LRP1B: variants seen among roughly 807,000 people sequenced by gnomAD.
The protein encoded by LRP1B is LDL receptor related protein 1B, also known as low-density lipoprotein receptor-related protein 1B.
In LRP1B, 217 loss-of-function variants were observed where a neutral mutation model predicts 556.6. That is an observed-to-expected ratio of 0.39 (90% CI 0.35 to 0.44). LRP1B has a LOEUF of 0.44. LRP1B is among the 20% of genes least tolerant of loss of function. The pLI, the probability that LRP1B is intolerant of heterozygous loss-of-function variation, is 1.00. For missense variants in LRP1B, 5,053 were observed against 5,620.8 expected (o/e 0.90, Z 3.23); for synonymous variants, 2,047 against 1,865.8 (o/e 1.10, Z -2.50).
At chr2:140,608,653 G>C (rs1409508874) in intron 41 of LRP1B, among the ~76,000 whole-genome samples, 1 of 152,152 alleles carries the variant, frequency 6.6e-6, no homozygotes, top group Non-Finnish European at 1.5e-5. Flanking sequence ...TCCTGAACCA[G>C]AGCATCTCAA....
intron 86 of LRP1B, among the ~76,000 whole-genome samples, chr2:140,249,336 C>A (rs1022235204): frequency 2.0e-5 from 3 of 151,442 alleles, no homozygotes; most frequent in African/African-American, 4.8e-5. Flanking sequence ...GATTCTAATT[C>A]CAAACTCTAG....
chr2:140,379,512 T>C (rs1239228514), intron 67 of LRP1B, among the ~76,000 whole-genome samples: 2 of 151,992 alleles, frequency 1.3e-5, no homozygotes, highest in African/African-American at 4.8e-5. Flanking sequence ...TTGGTCAACA[T>C]GGCAAAAACC....
At chr2:141,246,297 T>C (rs897911316) in intron 5 of LRP1B, among the ~76,000 whole-genome samples, 2 of 151,972 alleles carry the variant, frequency 1.3e-5, no homozygotes, top group South Asian at 2.1e-4. Flanking sequence ...TAGAGGCAGA[T>C]AAAAAGGCAA....
chr2:140,655,743 C>A (rs1034555293), intron 41 of LRP1B, among the ~76,000 whole-genome samples: 11 of 152,274 alleles, frequency 7.2e-5, no homozygotes, highest in African/African-American at 1.2e-4. Flanking sequence ...GAAATCGAAA[C>A]CATCCTGGCT....
chr2:140,681,922 T>C (rs11892934), intron 41 of LRP1B, among the ~76,000 whole-genome samples: 141,506 of 152,218 alleles, frequency 0.93, 65,921 homozygotes, highest in Middle Eastern at 0.98. Context: ...ATTCATGTGC[T>C]ATGCCTAAGA....
intron 86 of LRP1B, 96 bp from the exon 87 acceptor site, chr2:140,247,258 G>A (rs1681206999): frequency 2.6e-6 from 2 of 776,778 alleles, no homozygotes; most frequent in African/African-American, 1.7e-5. Context: ...AAGGTTACAG[G>A]AGCCAGTCAT....
chr2:140,628,578 C>T (rs1457147954), intron 41 of LRP1B, among the ~76,000 whole-genome samples: 1 of 151,492 alleles, frequency 6.6e-6, no homozygotes, highest in African/African-American at 2.4e-5. Flanking sequence ...CTCACTCACA[C>T]TACAAATGTG....
Position 140,353,153 on chromosome 2 carries a change from A to G in LRP1B, c.11531-81T>C. 4 of 1,444,390 alleles carry G rather than the reference A, an allele frequency of 2.8e-6. No homozygotes were observed. The South Asian group carries it at 5.1e-5, about 18-fold the overall frequency. 89.5% of individuals were successfully genotyped at this position (1,444,390 alleles called of 1,614,324 possible). A position where few individuals can be genotyped will look rare whatever the true frequency, so the allele number is the denominator to read the frequency against. ...CTTACCACGTTTCAAAAAAGCCAAA[A>G]TTATTTTTAACTTATTACTAGCTTT... On this transcript the variant is annotated intron_variant, in intron 75 of 90. Coordinates refer to ENST00000389484, the MANE Select transcript of LRP1B (RefSeq NM_018557.3).
In LRP1B at chr2:141,838,643, G is replaced by A. The variant is rs575784844; in HGVS notation, c.83-28242C>T. ...GTTGAATGCTTCAGCATGCCTCAGT[G>A]ACTTGATAATTAAGCATTGATATAC... On this transcript the variant is annotated intron_variant, in intron 1 of 90. Coordinates refer to ENST00000389484, the MANE Select transcript of LRP1B (RefSeq NM_018557.3). Among the ~76,000 whole-genome samples, 9 of 152,252 alleles carry A rather than the reference G, an allele frequency of 5.9e-5. No individual in the cohort carries two copies. In the South Asian group the frequency reaches 1.7e-3, roughly 28 times the overall value.
At chr2:141,378,863 C>T (rs182457451) in intron 3 of LRP1B, among the ~76,000 whole-genome samples, 60 of 152,226 alleles carry the variant, frequency 3.9e-4, no homozygotes, top group African/African-American at 1.4e-3. Context: ...AATGAACAGA[C>T]ACTAAGAAAC....
chr2:140,899,551 T>C (rs908250882), intron 23 of LRP1B, among the ~76,000 whole-genome samples: 2 of 152,216 alleles, frequency 1.3e-5, no homozygotes, highest in Non-Finnish European at 2.9e-5. Flanking sequence ...TTCATATTTG[T>C]ATGAAATTCA....
At chr2:141,730,404 GAA>G (rs1693226371) in intron 2 of LRP1B, among the ~76,000 whole-genome samples, 1 of 152,058 alleles carries the variant, frequency 6.6e-6, no homozygotes. Flanking sequence ...AATCACATCT[GAA>G]CACCAGGGAG....
intron 3 of LRP1B, among the ~76,000 whole-genome samples, chr2:141,402,359 C>A (rs1358873389): frequency 6.6e-6 from 1 of 151,934 alleles, no homozygotes; most frequent in Non-Finnish European, 1.5e-5. Context: ...ATATAATGAA[C>A]AGGAAAGTGA....
chr2:140,307,670 G>T (rs891913474), intron 83 of LRP1B, among the ~76,000 whole-genome samples: 6 of 151,792 alleles, frequency 4.0e-5, no homozygotes, highest in African/African-American at 1.4e-4. Flanking sequence ...TGGTTACATT[G>T]TACCTCCAGT....
At chr2:141,859,543 A>G (rs1050599520) in intron 1 of LRP1B, among the ~76,000 whole-genome samples, 93 of 152,214 alleles carry the variant, frequency 6.1e-4, no homozygotes, top group Non-Finnish European at 1.3e-4. Context: ...AAATTGTGGT[A>G]TGTGGATAGT....
chr2:141,017,555 G>A (rs193127926), intron 12 of LRP1B, among the ~76,000 whole-genome samples: 11 of 151,328 alleles, frequency 7.3e-5, no homozygotes, highest in South Asian at 2.1e-4. Context: ...GGAATTGTTC[G>A]CCAACTGATC....
At chr2:140,342,955 C>A (rs1388491470) in intron 77 of LRP1B, among the ~76,000 whole-genome samples, 1 of 151,512 alleles carries the variant, frequency 6.6e-6, no homozygotes, top group Non-Finnish European at 1.5e-5. Flanking sequence ...AGAAGTAAAT[C>A]TTCTATATAG....
rs2105293385 is a variant in LRP1B at position 141,229,216 on chromosome 2, C to T, written c.817G>A (p.Glu273Lys). ...GATTGAAGAATATTGATTGTCCATT[C>T]ATCTGTTAATCCTCCTGCTTTTGTT... is the stretch of plus-strand genomic sequence containing the variant. Reference protein sequence around the residue: ...QITKAGGLTDEWTINILQSFH... With the variant: ...QITKAGGLTDKWTINILQSFH... The change falls in exon 6 of 91, where the codon GAA (glutamate) becomes AAA (lysine). Residue 273 changes from glutamate (E) to lysine (K), a missense_variant. Physicochemically the swap from Glu to Lys is moderately conservative, Grantham distance 56 (BLOSUM62 1). Coordinates refer to ENST00000389484, the MANE Select transcript of LRP1B (RefSeq NM_018557.3). 1 of 1,613,132 alleles carries T rather than the reference C, an allele frequency of 6.2e-7. No individual in the cohort carries two copies. Among genetic ancestry groups the T allele is most frequent in the Non-Finnish European group, 8.5e-7 (1 of 1,179,430 alleles).
intron 7 of LRP1B, among the ~76,000 whole-genome samples, chr2:141,165,544 T>C (rs770536510): frequency 2.6e-4 from 40 of 151,978 alleles, no homozygotes; most frequent in Non-Finnish European, 5.2e-4. Context: ...ATATCAATAA[T>C]TTACAAGTGA....
Sources: gnomAD v4.1 joint callset for allele counts (sites outside exome capture counted in the v4.1 genomes callset) on GRCh38, gnomAD v4.1.1 for gene constraint, MANE v1.5 for transcripts, NCBI Gene and HGNC (gene_info 2026-07-23, HGNC 2026-07-21) for gene names.